The following NEK10 variants were observed in gnomAD, a reference collection of about 807,000 sequenced individuals.
NEK10 encodes the protein NIMA related kinase 10.
A neutral mutation model predicts 159.8 loss-of-function variants in NEK10; 122 were observed. The ratio of observed to expected loss-of-function variants is 0.76; its 90% CI spans 0.66 to 0.89. The LOEUF is 0.89. Ranked by LOEUF, NEK10 falls within the 40% of genes least tolerant of loss-of-function variation. NEK10 has a pLI of 0.00. For synonymous variants in NEK10, 466 were observed against 457.1 expected (o/e 1.02, Z -0.25); for missense variants, 1,342 against 1,323.1 (o/e 1.01, Z -0.22).
chr3:27,200,496 T>C (rs139197560), intron 25 of NEK10, among the ~76,000 whole-genome samples: 157 of 152,208 alleles, frequency 1.0e-3, no homozygotes, highest in African/African-American at 3.4e-3. Context: ...GGTACAGAAA[T>C]AGCAATCAGC....
chr3:27,173,434 G>A (rs1274662876), intron 28 of NEK10, among the ~76,000 whole-genome samples: 2 of 152,234 alleles, frequency 1.3e-5, no homozygotes, highest in East Asian at 3.9e-4. Flanking sequence ...TTTCCCATAT[G>A]AGCTTCATGT....
chr3:27,163,395 A>G (rs1057088918), intron 29 of NEK10, among the ~76,000 whole-genome samples: 29 of 151,580 alleles, frequency 1.9e-4, no homozygotes, highest in African/African-American at 7.0e-4. Context: ...TCTGTCACCC[A>G]GGCTGGAGTG....
chr3:27,336,075 G>T (rs780992582), intron 5 of NEK10, among the ~76,000 whole-genome samples: 11 of 152,010 alleles, frequency 7.2e-5, no homozygotes, highest in Non-Finnish European at 1.3e-4. Context: ...CAAAAAGTTG[G>T]TTCTTCAAAA....
At chr3:27,127,546 C>T (rs564896516) in intron 32 of NEK10, among the ~76,000 whole-genome samples, 4 of 152,082 alleles carry the variant, frequency 2.6e-5, no homozygotes, top group South Asian at 2.1e-4. Flanking sequence ...TGTAGGCAAC[C>T]GCAACACAAT....
chr3:27,257,025 C>T (rs1956273610), intron 22 of NEK10, among the ~76,000 whole-genome samples: 2 of 150,220 alleles, frequency 1.3e-5, no homozygotes, highest in South Asian at 2.1e-4. Context: ...AAGCAATTCT[C>T]GTGCCTCAGC....
intron 32 of NEK10, among the ~76,000 whole-genome samples, chr3:27,127,295 T>G (rs1287478581): frequency 2.6e-5 from 4 of 152,120 alleles, no homozygotes; most frequent in Non-Finnish European, 5.9e-5. Flanking sequence ...ACAATATAAT[T>G]ATCCCACCTA....
chr3:27,117,856 A>C (rs992774975), intron 33 of NEK10, among the ~76,000 whole-genome samples: 3 of 152,076 alleles, frequency 2.0e-5, no homozygotes, highest in African/African-American at 7.2e-5. Flanking sequence ...CTTTTGTTAT[A>C]ATTGCTTTTG....
chr3:27,256,488 T>C (rs1956189792), intron 22 of NEK10, 117 bp from the exon 23 acceptor site: 1 of 438,864 alleles, frequency 2.3e-6, no homozygotes, highest in East Asian at 3.5e-5. Flanking sequence ...GGCTTTTCTT[T>C]TCTTAATGCT....
chr3:27,315,069 T>TA (rs892561560), intron 6 of NEK10, among the ~76,000 whole-genome samples: 2 of 152,244 alleles, frequency 1.3e-5, no homozygotes, highest in Non-Finnish European at 2.9e-5. Context: ...AGAGATCTAC[T>TA]AATAGTAAGT....
At chr3:27,240,997 A>G (rs994646272) in intron 23 of NEK10, among the ~76,000 whole-genome samples, 1 of 152,064 alleles carries the variant, frequency 6.6e-6, no homozygotes, top group Non-Finnish European at 1.5e-5. Context: ...TCAGCCTGGT[A>G]TTGCTATTTT....
chr3:27,354,587 C>A (rs912976508), intron 1 of NEK10, among the ~76,000 whole-genome samples: 1 of 152,066 alleles, frequency 6.6e-6, no homozygotes, highest in Non-Finnish European at 1.5e-5. Flanking sequence ...AAATAGTTAA[C>A]CTAATCCCAT....
intron 29 of NEK10, among the ~76,000 whole-genome samples, chr3:27,169,483 T>C (rs1231521306): frequency 6.6e-6 from 1 of 152,176 alleles, no homozygotes; most frequent in South Asian, 2.1e-4. Context: ...TGATAGATCA[T>C]ACACCCTGTT....
intron 5 of NEK10, among the ~76,000 whole-genome samples, chr3:27,327,195 G>A (rs958920755): frequency 3.9e-5 from 6 of 152,104 alleles, no homozygotes; most frequent in African/African-American, 1.4e-4. Context: ...GTCTATACAG[G>A]GATGGCTGAA....
chr3:27,279,079 T>C (rs776447682), intron 22 of NEK10: 10 of 212,886 alleles, frequency 4.7e-5, no homozygotes, highest in Non-Finnish European at 8.1e-5. Flanking sequence ...TAGCAGAATA[T>C]GTGAGTACTT....
chr3:27,201,764 T>C (rs1434949833), intron 24 of NEK10, among the ~76,000 whole-genome samples, 184 bp from the exon 25 acceptor site: 3 of 152,238 alleles, frequency 2.0e-5, no homozygotes, highest in Non-Finnish European at 2.9e-5. Context: ...ACTGGAATTA[T>C]ATTATCCAAG....
chr3:27,263,645 C>T (rs1013095678), intron 22 of NEK10, among the ~76,000 whole-genome samples: 5 of 152,254 alleles, frequency 3.3e-5, no homozygotes, highest in South Asian at 2.1e-4. Flanking sequence ...CCTGGTGTGG[C>T]GTTTGCTAAG....
At chr3:27,206,712 T>C (rs575120503) in intron 23 of NEK10, 23 of 754,778 alleles carry the variant, frequency 3.0e-5, no homozygotes, top group Non-Finnish European at 3.7e-5. Flanking sequence ...CTGACGAAAA[T>C]AGGGTTAAAG....
intron 22 of NEK10, among the ~76,000 whole-genome samples, chr3:27,269,134 A>G (rs1441942617): frequency 1.3e-5 from 2 of 152,226 alleles, no homozygotes; most frequent in South Asian, 4.1e-4. Context: ...CTGGATGAGC[A>G]AAGAAACAGG....
intron 23 of NEK10, among the ~76,000 whole-genome samples, chr3:27,237,786 C>T (rs569455683): frequency 3.9e-5 from 6 of 152,050 alleles, no homozygotes; most frequent in Admixed American, 1.3e-4. Context: ...CATCCCAAAA[C>T]CACCTGTACC....
Sources: gnomAD v4.1 joint callset for allele counts (sites outside exome capture counted in the v4.1 genomes callset) on GRCh38, gnomAD v4.1.1 for gene constraint, MANE v1.5 for transcripts, NCBI Gene and HGNC (gene_info 2026-07-23, HGNC 2026-07-21) for gene names.